HIP1R: variants seen among roughly 807,000 people sequenced by gnomAD.
The protein encoded by HIP1R is huntingtin interacting protein 1 related, also known as huntingtin-interacting protein 1-related protein.
HIP1R carries 135 observed loss-of-function variants against 144.2 expected under a neutral mutation model. That is an observed-to-expected ratio of 0.94 (90% confidence interval 0.81 to 1.08). HIP1R has a LOEUF of 1.08. Ranked by LOEUF, HIP1R falls within the 50% of genes least tolerant of loss-of-function variation. The probability of loss-of-function intolerance (pLI) is 0.00; values close to 1 mark genes in which losing one functional copy is unlikely to be tolerated. For missense variants in HIP1R, 1,462 were observed against 1,432.8 expected (o/e 1.02, Z -0.33); for synonymous variants, 698 against 612.8 (o/e 1.14, Z -2.05).
Position 122,854,080 on chromosome 12 carries a change from G to C in HIP1R, c.615G>C (p.Gln205His), listed in dbSNP as rs1036032838. The C allele has an allele frequency of 6.2e-7, 1 of 1,613,724 alleles. No individual in the cohort carries two copies. The highest frequency in any genetic ancestry group is 1.3e-5 in the African/African-American group (1 of 74,914). The change falls in exon 8 of 32, where the codon CAG becomes CAC. Residue 205 changes from glutamine (Q) to histidine (H), a missense_variant. Gln to His is a conservative substitution (Grantham distance 24). Around this residue, in one of 2 missense-constraint regions of HIP1R, gnomAD observed 350 missense variants for 421.1 expected, o/e 0.83. Coordinates refer to ENST00000253083, the MANE Select transcript of HIP1R (RefSeq NM_003959.3). Reference protein sequence around the residue: ...RQLNTAIAVSQMSSGQCRLAP... With the variant: ...RQLNTAIAVSHMSSGQCRLAP... ...TCAACACGGCCATCGCCGTATCCCA[G>C]ATGTCCTCAGGCCAGTGCCGCCTGG... is the stretch of plus-strand genomic sequence containing the variant.
intron 5 of HIP1R, 111 bp downstream of exon 5, chr12:122,850,066 T>A: frequency 2.6e-6 from 2 of 764,650 alleles, no homozygotes; most frequent in African/African-American, 3.4e-5. Flanking sequence ...TCCATGAGTC[T>A]TTCCATTCAC....
chr12:122,851,046 C>A, intron 6 of HIP1R, 135 bp downstream of exon 6: 2 of 889,938 alleles, frequency 2.2e-6, no homozygotes, highest in Non-Finnish European at 3.5e-6. Flanking sequence ...GATGCTCACG[C>A]TCCCAGGGAC....
rs934550383 is a variant in HIP1R at position 122,855,117 on chromosome 12, C to T, written c.841C>T (p.Arg281Trp). 18 of 1,613,510 alleles carry T rather than the reference C, an allele frequency of 1.1e-5. No homozygotes were observed. Among genetic ancestry groups the T allele is most frequent in the East Asian group, 2.2e-5 (1 of 44,892 alleles). ...LYFKRLIQIP[R>W]LPEGPPNFLR... ...CTTCAAGCGGCTCATCCAGATCCCC[C>T]GGCTGCCCGAGGTACCACCCCCAAG... The change falls in exon 10 of 32, where the codon CGG becomes TGG. Residue 281 changes from arginine to tryptophan, a missense_variant. Around this residue, in one of 2 missense-constraint regions of HIP1R, gnomAD observed 350 missense variants for 421.1 expected, o/e 0.83. Transcript: ENST00000253083.
chr12:122,860,542 G>GT lies in HIP1R; in HGVS notation c.2660+19_2660+20insT, dbSNP rs1205544347. On this transcript the variant is annotated intron_variant, in intron 27 of 31. Transcript: ENST00000253083. ...AGCTGGTGTAGGTTGCCCTGGGTGG[G>GT]GGGGGGCAGGGGGCTGCTTCCTGCC... is the stretch of plus-strand genomic sequence containing the variant. The GT allele has an allele frequency of 1.3e-6, 2 of 1,587,152 alleles. No homozygotes were observed. The highest frequency in any genetic ancestry group is 3.3e-5 in the Admixed American group (2 of 59,966).
chr12:122,844,879 C>T (rs1300165671), intron 1 of HIP1R, among the ~76,000 whole-genome samples: 1 of 152,210 alleles, frequency 6.6e-6, no homozygotes, highest in Non-Finnish European at 1.5e-5. Context: ...GCCCGAGGGG[C>T]CACATGGGGC....
In HIP1R at chr12:122,856,021, A is replaced by C. The variant is rs1306148489; in HGVS notation, c.1170A>C (p.Ala390=). 3 of 1,596,562 alleles carry C rather than the reference A, an allele frequency of 1.9e-6. No homozygotes were observed. Among genetic ancestry groups the C allele is most frequent in the Non-Finnish European group, 2.6e-6 (3 of 1,171,960 alleles). The part of the protein sequence containing the change: ...YIAQLKSQVN[A]LEGELEEQRK... ...CGCAGCTGAAGAGCCAGGTGAATGC[A>C]CTGGAGGGTGAGCTGGAGGAGCAGC... is the stretch of plus-strand genomic sequence containing the variant. Residue 390 remains alanine (A), a synonymous_variant, in exon 14 of 32, where the codon GCA becomes GCC. Transcript: ENST00000253083.
chr12:122,858,455 G>C lies in HIP1R; in HGVS notation c.2050+20G>C, dbSNP rs781488760. The C allele has an allele frequency of 1.3e-6, 2 of 1,567,900 alleles. No homozygotes were observed. Among genetic ancestry groups the C allele is most frequent in the South Asian group, 2.3e-5 (2 of 86,210 alleles). ...TGGCAGGTGAGTGTAGCCAGGGCAG[G>C]GCGGAGGCGGGGGCTGTGTCCCAGT... On this transcript the variant is annotated intron_variant, in intron 20 of 31. Transcript: ENST00000253083.
At position 122,851,308 on chromosome 12, in the gene HIP1R, A is replaced by C. The variant is rs1405939760; in HGVS notation, c.577+11A>C. On this transcript the variant is annotated intron_variant, in intron 7 of 31. Coordinates refer to ENST00000253083, the MANE Select transcript of HIP1R (RefSeq NM_003959.3). ...AGCTTTCTGAATCAGGTGAGCCGTA[A>C]AGAGGGGATGCGGGGGTCTGAGTGT... 3 of 1,544,916 alleles carry C rather than the reference A, an allele frequency of 1.9e-6. No individual in the cohort carries two copies. Among genetic ancestry groups the C allele is most frequent in the African/African-American group, 1.4e-5 (1 of 70,584 alleles).
At position 122,862,077 on chromosome 12, in the gene HIP1R, C is replaced by CT; in HGVS notation, c.*325dup. The CT allele has an allele frequency of 3.1e-6, 1 of 323,484 alleles. No homozygotes were observed. Among genetic ancestry groups the CT allele is most frequent in the Non-Finnish European group, 5.6e-6 (1 of 177,304 alleles). 20.0% of individuals were successfully genotyped at this position (323,484 alleles called of 1,614,324 possible). ...AAAATAGTGTTTTTAATATTCCGAG[C>CT]TAGAGCTCTTCTTCCTACGTTTGTA... is the stretch of plus-strand genomic sequence containing the variant. On this transcript the variant is annotated 3_prime_UTR_variant, in exon 32 of 32. Transcript: ENST00000253083.
intron 28 of HIP1R, 64 bp from the exon 29 acceptor site, chr12:122,860,852 A>G (rs2033748110): frequency 8.8e-6 from 14 of 1,596,726 alleles, no homozygotes; most frequent in Non-Finnish European, 1.2e-5. Context: ...GTGGCTGCCA[A>G]GCCCAGGCCT....
intron 1 of HIP1R, among the ~76,000 whole-genome samples, chr12:122,847,683 G>A (rs1455647947): frequency 2.6e-5 from 4 of 152,326 alleles, no homozygotes; most frequent in East Asian, 1.9e-4. Context: ...AGATGGGGCC[G>A]GAGGACACCA....
Position 122,861,747 on chromosome 12 carries a change from C to T in HIP1R, c.3201C>T (p.Asn1067=), listed in dbSNP as rs1042555634. ...GCATCTACCCAGCTCAACTCGTGAA[C>T]TACTAGGCCCCCCAGGGGTCCAGCA... ...KDGIYPAQLV[N]Y The change falls in exon 32 of 32, where the codon AAC becomes AAT. Residue 1067 remains asparagine (N), a synonymous_variant. Coordinates refer to ENST00000253083, the MANE Select transcript of HIP1R (RefSeq NM_003959.3). The T allele has an allele frequency of 1.9e-6, 3 of 1,613,976 alleles. No homozygotes were observed. In the African/African-American group the frequency reaches 4.0e-5, roughly 22 times the overall value.
chr12:122,854,248 CAAAAA>C, intron 8 of HIP1R, 65 bp downstream of exon 8: 1 of 1,282,460 alleles, frequency 7.8e-7, no homozygotes, highest in Non-Finnish European at 1.0e-6. Flanking sequence ...CATTCACTGT[CAAAAA>C]GGAAAATCGA....
chr12:122,861,983 T>G lies in HIP1R; in HGVS notation c.*230T>G. On this transcript the variant is annotated 3_prime_UTR_variant, in exon 32 of 32. Coordinates refer to ENST00000253083, the MANE Select transcript of HIP1R (RefSeq NM_003959.3). ...TTTATCTGCAGAAGGAACTTTGGGG[T>G]GCAGCCAGGACCCGGTAGGCCTGAG... 1.9e-6 allele frequency: 1 copy of G among 530,432 alleles called. No homozygotes were observed. The highest frequency in any genetic ancestry group is 2.8e-5 in the South Asian group (1 of 35,482). The allele number at this position is 530,432 out of a possible 1,614,324, so 32.9% of individuals were successfully genotyped here.
rs548910282 is a variant in HIP1R, at chr12:122,838,196, A to G, written c.93+2553A>G. ...GGTTAGCGCTCAGGAGTGTGAAGAGAGGCGATCATGTGCCTGCTGGGAGCT... is the reference window on the plus strand; with the variant it reads ...GGTTAGCGCTCAGGAGTGTGAAGAGGGGCGATCATGTGCCTGCTGGGAGCT... On this transcript the variant is annotated intron_variant, in intron 1 of 31. Transcript: ENST00000253083. Among the ~76,000 whole-genome samples, 11 of 152,162 alleles carry G rather than the reference A, an allele frequency of 7.2e-5. No individual in the cohort carries two copies. In the South Asian group the frequency reaches 2.1e-3, roughly 29 times the overall value.
At chr12:122,842,203 C>G (rs1042047049) in intron 1 of HIP1R, among the ~76,000 whole-genome samples, 1 of 152,238 alleles carries the variant, frequency 6.6e-6, no homozygotes, top group African/African-American at 2.4e-5. Context: ...GCTCTGCCAG[C>G]GTCCGTCCGT....
chr12:122,859,785 A>G lies in HIP1R; in HGVS notation c.2420A>G (p.Gln807Arg). The G allele has an allele frequency of 1.9e-6, 3 of 1,612,930 alleles. No homozygotes were observed. Among genetic ancestry groups the G allele is most frequent in the Non-Finnish European group, 2.5e-6 (3 of 1,179,810 alleles). ...AVRRIEDMMN[Q>R]ARHASSGVKL... ...TCTTGGGTGCAGGACATGATGAACCAGGCACGCCACGCCAGCTCGGGGGTG... is the reference window on the plus strand; with the variant it reads ...TCTTGGGTGCAGGACATGATGAACCGGGCACGCCACGCCAGCTCGGGGGTG... The change falls in exon 24 of 32, where the codon CAG (glutamine) becomes CGG (arginine). Residue 807 changes from glutamine to arginine, a missense_variant. This residue lies in a region of HIP1R where 1,112 missense variants were observed against 1,011.7 expected (regional missense o/e 1.10). Coordinates refer to ENST00000253083, the MANE Select transcript of HIP1R (RefSeq NM_003959.3).
In HIP1R at chr12:122,858,248, A is replaced by G; in HGVS notation, c.1962A>G (p.Pro654=). 1.9e-6 allele frequency: 3 copies of G among 1,586,964 alleles called. No individual in the cohort carries two copies. The highest frequency in any genetic ancestry group is 1.7e-6 in the Non-Finnish European group (2 of 1,161,666). The part of the protein sequence containing the change: ...DPLHLRCTSS[P]DYLVSRAQEA... ...TGCACCTGCGCTGTACCAGCTCCCC[A>G]GGTAGACAGTGGGGCCACACTCAGC... Residue 654 remains proline (P), a splice_region_variant and synonymous_variant, in exon 19 of 32, where the codon CCA becomes CCG. Transcript: ENST00000253083.
At chr12:122,850,971 C>T (rs1015980278) in intron 6 of HIP1R, 60 bp downstream of exon 6, 19 of 1,488,216 alleles carry the variant, frequency 1.3e-5, no homozygotes, top group Admixed American at 7.3e-5. Context: ...TCCTTCCTAC[C>T]GCGTCTCACG....
Sources: allele counts gnomAD v4.1 joint callset (sites outside exome capture counted in the v4.1 genomes callset), GRCh38; gene constraint gnomAD v4.1.1; regional missense constraint gnomAD v4.1.1; transcripts MANE v1.5; gene names NCBI Gene and HGNC (gene_info 2026-07-23, HGNC 2026-07-21).